Variants in KCNN2 observed in about 807,000 individuals in gnomAD.
KCNN2 encodes the protein small conductance calcium-activated potassium channel protein 2.
Under a neutral mutation model 55.5 loss-of-function variants are expected in KCNN2, and 24 were observed. The observed-to-expected ratio is 0.43, with a 90% CI of 0.31 to 0.61. The LOEUF is 0.61. KCNN2 is among the 20% of genes least tolerant of loss of function. KCNN2 has a pLI of 0.08. For synonymous variants in KCNN2, 431 were observed against 336.1 expected, an observed-to-expected ratio of 1.28 and a Z score of -3.09; for missense variants, 754 against 853.6, an observed-to-expected ratio of 0.88 and a Z score of 1.45.
chr5:114,100,867 T>C (rs762119980), intron 1 of KCNN2, among the ~76,000 whole-genome samples: 2 of 152,018 alleles, frequency 1.3e-5, no homozygotes, highest in Admixed American at 6.6e-5. Context: ...AATAGTGAAA[T>C]AGTGGATTAT....
intron 1 of KCNN2, among the ~76,000 whole-genome samples, chr5:114,213,806 C>A (rs1293898419): frequency 2.0e-5 from 3 of 152,054 alleles, no homozygotes; most frequent in African/African-American, 7.2e-5. Context: ...AAAAGTAGAA[C>A]AGTTGCTTAA....
Position 114,496,404 on chromosome 5 carries a change from C to T in KCNN2, c.*222C>T, listed in dbSNP as rs931929796. The T allele has an allele frequency of 4.3e-6, 2 of 463,312 alleles. No homozygotes were observed. Among genetic ancestry groups the T allele is most frequent in the African/African-American group, 3.9e-5 (2 of 51,302 alleles). 28.7% of individuals were successfully genotyped at this position (463,312 alleles called of 1,614,324 possible). A position where few individuals can be genotyped will look rare whatever the true frequency, so the allele number is the denominator to read the frequency against. On this transcript the variant is annotated 3_prime_UTR_variant, in exon 8 of 8. Coordinates refer to ENST00000673685, the MANE Select transcript of KCNN2 (RefSeq NM_021614.4). The stretch of plus-strand genomic sequence containing the variant: ...CCTATTATTGCTATATAGATTGTTC[C>T]TCCTGTAATTTCACTAACTTTTTAT...
chr5:114,187,229 T>C (rs1325687793), intron 1 of KCNN2, among the ~76,000 whole-genome samples: 1 of 150,322 alleles, frequency 6.7e-6, no homozygotes, highest in Non-Finnish European at 1.5e-5. Context: ...CCCACCCCAC[T>C]TTTGCTGCAG....
chr5:114,284,433 T>G (rs1472929157), intron 2 of KCNN2, among the ~76,000 whole-genome samples: 1 of 152,218 alleles, frequency 6.6e-6, no homozygotes, highest in African/African-American at 2.4e-5. Flanking sequence ...TTGTGAGTTT[T>G]CATCTTATGT....
chr5:114,373,437 C>T (rs896202760), intron 2 of KCNN2, among the ~76,000 whole-genome samples: 5 of 150,938 alleles, frequency 3.3e-5, no homozygotes, highest in Admixed American at 6.6e-5. Flanking sequence ...TCTAAACTTT[C>T]CTGCTGAGCA....
At chr5:114,225,595 A>G (rs1021162999) in intron 2 of KCNN2, among the ~76,000 whole-genome samples, 13 of 152,292 alleles carry the variant, frequency 8.5e-5, no homozygotes, top group Admixed American at 6.5e-4. Context: ...TGCTCAATAA[A>G]TATTTATCAA....
chr5:114,197,122 A>G (rs1271064827), intron 1 of KCNN2, among the ~76,000 whole-genome samples: 1 of 152,060 alleles, frequency 6.6e-6, no homozygotes, highest in Non-Finnish European at 1.5e-5. Context: ...GCTTATTTTC[A>G]GGTATTTGTC....
intron 1 of KCNN2, among the ~76,000 whole-genome samples, chr5:114,100,057 TC>T (rs1368042255): frequency 1.3e-5 from 2 of 151,958 alleles, no homozygotes; most frequent in Non-Finnish European, 2.9e-5. Flanking sequence ...ATCTTATAGA[TC>T]AGAAATGAGT....
At chr5:114,257,305 T>C (rs1012558213) in intron 2 of KCNN2, among the ~76,000 whole-genome samples, 1 of 152,134 alleles carries the variant, frequency 6.6e-6, no homozygotes, top group Non-Finnish European at 1.5e-5. Context: ...ACCTCCAGCT[T>C]TGTTCTTTTT....
chr5:114,420,599 T>C lies in KCNN2; in HGVS notation c.1637+15743T>C, dbSNP rs528773099. ...ATCTCTCTTAAGCAATACTACCTTT[T>C]CCATAAACAACGTTCATTCCTTAGA... On this transcript the variant is annotated intron_variant, in intron 3 of 7. Coordinates refer to ENST00000673685, the MANE Select transcript of KCNN2 (RefSeq NM_021614.4). Among the ~76,000 whole-genome samples the C allele has an allele frequency of 8.7e-4, 132 of 152,306 alleles. 2 individuals carry two copies. The highest frequency in any genetic ancestry group is 3.0e-3 in the African/African-American group (124 of 41,574).
At chr5:114,269,849 A>T (rs1755290560) in intron 2 of KCNN2, among the ~76,000 whole-genome samples, 2 of 152,214 alleles carry the variant, frequency 1.3e-5, no homozygotes, top group Admixed American at 1.3e-4. Context: ...TGGATTCAGT[A>T]TCCAGAGGAA....
At chr5:114,260,356 C>G (rs1011818860) in intron 2 of KCNN2, among the ~76,000 whole-genome samples, 1 of 152,210 alleles carries the variant, frequency 6.6e-6, no homozygotes, top group Non-Finnish European at 1.5e-5. Context: ...TTAAATTGCT[C>G]TATACCTCAG....
chr5:114,480,857 G>T (rs1195729865), intron 5 of KCNN2, among the ~76,000 whole-genome samples: 1 of 152,040 alleles, frequency 6.6e-6, no homozygotes, highest in African/African-American at 2.4e-5. Flanking sequence ...GGTACTGAAG[G>T]AACATACCTC....
chr5:114,111,763 C>G (rs1247640250), intron 1 of KCNN2, among the ~76,000 whole-genome samples: 1 of 152,166 alleles, frequency 6.6e-6, no homozygotes, highest in African/African-American at 2.4e-5. Flanking sequence ...AAATGCAAAT[C>G]AAAACCACAA....
intron 1 of KCNN2, among the ~76,000 whole-genome samples, chr5:114,135,613 C>T (rs565533824): frequency 5.9e-5 from 9 of 152,138 alleles, no homozygotes; most frequent in Non-Finnish European, 1.3e-4. Flanking sequence ...ATAAAGCCCA[C>T]GGTTGAGCAT....
chr5:114,424,458 A>G (rs1399168908), intron 3 of KCNN2, among the ~76,000 whole-genome samples: 2 of 152,192 alleles, frequency 1.3e-5, no homozygotes, highest in African/African-American at 4.8e-5. Flanking sequence ...CATCTCAAAT[A>G]CCTCCTAAAA....
At chr5:114,168,668 C>T (rs1336475825) in intron 1 of KCNN2, among the ~76,000 whole-genome samples, 2 of 152,064 alleles carry the variant, frequency 1.3e-5, no homozygotes, top group African/African-American at 2.4e-5. Flanking sequence ...AGTGGATTGG[C>T]ACAATGACAT....
rs1756821062 is a variant in KCNN2 at position 114,331,506 on chromosome 5, T to C, written c.-184-29439T>C. 4.0e-5 allele frequency among the ~76,000 whole-genome samples: 6 copies of C among 151,086 alleles called. No individual in the cohort carries two copies. The South Asian group carries it at 1.2e-3, about 31-fold the overall frequency. ...CTCATTAATTTGGATTTTGCTAACA[T>C]AGAATTTGTAGTGTTAAGGGGATGT... On this transcript the variant is annotated intron_variant, in intron 2 of 10. Transcript: ENST00000512097.
In KCNN2 at chr5:114,438,557, C is replaced by T. The variant is rs1313409585; in HGVS notation, c.1638-24492C>T. 8.5e-5 allele frequency among the ~76,000 whole-genome samples: 13 copies of T among 152,086 alleles called. No homozygotes were observed. The East Asian group carries it at 2.5e-3, about 29-fold the overall frequency. ...TATCTAGAAGATCTTTGGGAAGGTG[C>T]CATAATGTTCCCAGGGGTAGTTTAG... On this transcript the variant is annotated intron_variant, in intron 3 of 7. Transcript: ENST00000673685.
Sources: allele counts gnomAD v4.1 joint callset (sites outside exome capture counted in the v4.1 genomes callset), GRCh38; gene constraint gnomAD v4.1.1; transcripts MANE v1.5; gene names NCBI Gene and HGNC (gene_info 2026-07-23, HGNC 2026-07-21).